Variants in CACNA2D3 observed in about 807,000 individuals in gnomAD.
The protein encoded by CACNA2D3 is calcium voltage-gated channel auxiliary subunit alpha2delta 3, also known as voltage-dependent calcium channel subunit alpha-2/delta-3.
CACNA2D3 carries 60 observed loss-of-function variants against 160.6 expected under a neutral mutation model. The ratio of observed to expected loss-of-function variants is 0.37; its 90% CI spans 0.30 to 0.46. The LOEUF is 0.46. Ranked by LOEUF, CACNA2D3 falls within the 20% of genes least tolerant of loss-of-function variation. The probability of loss-of-function intolerance (pLI) is 1.00; values close to 1 mark genes in which losing one functional copy is unlikely to be tolerated. For missense variants in CACNA2D3, 1,205 were observed against 1,365.0 expected, an observed-to-expected ratio of 0.88 and a Z score of 1.85; for synonymous variants, 558 against 492.9, an observed-to-expected ratio of 1.13 and a Z score of -1.75.
chr3:54,273,190 T>C (rs538649995), intron 2 of CACNA2D3: 1 of 152,410 alleles, frequency 6.6e-6, no homozygotes, highest in South Asian at 2.1e-4. Flanking sequence ...TGTTGGAGAA[T>C]GTGTGAAGGC....
At chr3:54,853,762 G>A (rs1417916006) in intron 17 of CACNA2D3, among the ~76,000 whole-genome samples, 2 of 152,128 alleles carry the variant, frequency 1.3e-5, no homozygotes, top group East Asian at 1.9e-4. Context: ...GGTGGGGGAG[G>A]ACTGCACTCA....
chr3:54,495,754 C>G (rs982179205), intron 4 of CACNA2D3, among the ~76,000 whole-genome samples: 1 of 152,116 alleles, frequency 6.6e-6, no homozygotes, highest in Non-Finnish European at 1.5e-5. Context: ...TGTCTCAAAA[C>G]AAACAACCAA....
rs200796177 is a variant in CACNA2D3 at position 54,702,387 on chromosome 3, GAACTTA to G, written c.1168-50204_1168-50199del. 3.1e-3 allele frequency among the ~76,000 whole-genome samples: 471 copies of G among 151,626 alleles called. 3 individuals carry two copies. The highest frequency in any genetic ancestry group is 8.0e-3 in the African/African-American group (333 of 41,428). The stretch of plus-strand genomic sequence containing the variant: ...GTCTAATGTCCAGGGAATCTATAAG[GAACTTA>G]AACTTAAGGAACTTAAACCACTCCA... On this transcript the variant is annotated intron_variant, in intron 11 of 37. Coordinates refer to ENST00000474759, the MANE Select transcript of CACNA2D3 (RefSeq NM_018398.3).
At chr3:54,182,784 A>G (rs1700806347) in intron 2 of CACNA2D3, among the ~76,000 whole-genome samples, 1 of 152,184 alleles carries the variant, frequency 6.6e-6, no homozygotes, top group Non-Finnish European at 1.5e-5. Context: ...ACTGCTTATC[A>G]TGCCACAGGC....
intron 11 of CACNA2D3, among the ~76,000 whole-genome samples, chr3:54,728,029 T>C (rs779321859): frequency 6.6e-6 from 1 of 152,236 alleles, no homozygotes; most frequent in Non-Finnish European, 1.5e-5. Context: ...TTTTATATAC[T>C]GTTTAGAATT....
At chr3:54,277,750 C>T (rs1032035874) in intron 2 of CACNA2D3, among the ~76,000 whole-genome samples, 1 of 152,176 alleles carries the variant, frequency 6.6e-6, no homozygotes, top group Non-Finnish European at 1.5e-5. Flanking sequence ...ATTGATTCTT[C>T]TGTACATGAG....
At chr3:54,464,213 G>T (rs542858913) in intron 4 of CACNA2D3, among the ~76,000 whole-genome samples, 29 of 152,294 alleles carry the variant, frequency 1.9e-4, no homozygotes, top group African/African-American at 6.7e-4. Context: ...GGCTGCTTGG[G>T]GGTCAGGGGT....
At chr3:54,301,374 G>T (rs1175869505) in intron 2 of CACNA2D3, among the ~76,000 whole-genome samples, 2 of 151,876 alleles carry the variant, frequency 1.3e-5, no homozygotes, top group African/African-American at 4.8e-5. Flanking sequence ...CAAGGCAGGC[G>T]GATCACTTGA....
At chr3:55,014,911 C>T (rs777293677) in intron 34 of CACNA2D3, among the ~76,000 whole-genome samples, 1 of 152,286 alleles carries the variant, frequency 6.6e-6, no homozygotes, top group Non-Finnish European at 1.5e-5. Context: ...TGGCTTTACA[C>T]GATAATTCAC....
At chr3:54,387,658 A>ATAAGTAAGTAAGTAAGTAAGTAAG (rs3028847) in intron 4 of CACNA2D3, among the ~76,000 whole-genome samples, 2 of 151,148 alleles carry the variant, frequency 1.3e-5, no homozygotes, top group African/African-American at 4.9e-5. Flanking sequence ...TCTCAAATAA[A>ATAAGTAAGTAAGTAAGTAAGTAAG]TAAGTAAGTA....
intron 4 of CACNA2D3, among the ~76,000 whole-genome samples, chr3:54,465,360 T>G (rs544572770): frequency 6.6e-6 from 1 of 152,328 alleles, no homozygotes; most frequent in African/African-American, 2.4e-5. Flanking sequence ...CACATTCACA[T>G]TACTTTATTA....
At chr3:54,238,537 G>T (rs1701922599) in intron 2 of CACNA2D3, among the ~76,000 whole-genome samples, 1 of 152,134 alleles carries the variant, frequency 6.6e-6, no homozygotes, top group African/African-American at 2.4e-5. Context: ...TTATGATTGG[G>T]GAGAAAGCAG....
At chr3:54,699,447 C>A (rs147376908) in intron 11 of CACNA2D3, among the ~76,000 whole-genome samples, 1 of 152,204 alleles carries the variant, frequency 6.6e-6, no homozygotes, top group African/African-American at 2.4e-5. Flanking sequence ...TGCTTCCCCC[C>A]AGTCACTAAC....
At chr3:54,153,375 G>A (rs1700186274) in intron 2 of CACNA2D3, among the ~76,000 whole-genome samples, 1 of 152,200 alleles carries the variant, frequency 6.6e-6, no homozygotes, top group Non-Finnish European at 1.5e-5. Flanking sequence ...TTATTTTGCA[G>A]CAAAAATAAA....
chr3:54,673,450 G>A (rs988808000), intron 11 of CACNA2D3, among the ~76,000 whole-genome samples: 5 of 152,148 alleles, frequency 3.3e-5, no homozygotes, highest in South Asian at 4.1e-4. Context: ...TTTGCAAAAC[G>A]CAACTCATGA....
In CACNA2D3 at chr3:54,734,798, C is replaced by G. The variant is rs1701463478; in HGVS notation, c.1168-17801C>G. 2.0e-5 allele frequency among the ~76,000 whole-genome samples: 3 copies of G among 152,224 alleles called. No individual in the cohort carries two copies. The South Asian group carries it at 6.2e-4, about 31-fold the overall frequency. Reference sequence around the variant, plus strand: ...CAGAGCATTAACATCCTCGGCTTCACTCTGGGCTATTACATAACAAAAGAA... The same window carrying G: ...CAGAGCATTAACATCCTCGGCTTCAGTCTGGGCTATTACATAACAAAAGAA... On this transcript the variant is annotated intron_variant, in intron 11 of 37. Transcript: ENST00000474759.
intron 31 of CACNA2D3, among the ~76,000 whole-genome samples, chr3:54,997,708 C>T (rs1031928872): frequency 6.6e-6 from 1 of 152,164 alleles, no homozygotes; most frequent in Non-Finnish European, 1.5e-5. Flanking sequence ...GGTGACAGAA[C>T]AATACCCCAT....
chr3:54,636,522 T>C (rs1409322240), intron 10 of CACNA2D3, among the ~76,000 whole-genome samples: 2 of 151,806 alleles, frequency 1.3e-5, no homozygotes, highest in African/African-American at 4.9e-5. Flanking sequence ...GAGTTGAGCA[T>C]AGTTTGTGAT....
chr3:54,566,686 C>T (rs1702414360), intron 6 of CACNA2D3, among the ~76,000 whole-genome samples: 1 of 152,186 alleles, frequency 6.6e-6, no homozygotes. Flanking sequence ...GTCCCTTCCC[C>T]AACATCAGAC....
Sources: gnomAD v4.1 joint callset for allele counts (sites outside exome capture counted in the v4.1 genomes callset) on GRCh38, gnomAD v4.1.1 for gene constraint, MANE v1.5 for transcripts, NCBI Gene and HGNC (gene_info 2026-07-23, HGNC 2026-07-21) for gene names.